The following C8orf34 variants were observed in gnomAD, a reference collection of about 807,000 sequenced individuals.
The protein encoded by C8orf34 is chromosome 8 open reading frame 34.
C8orf34 carries 65 observed loss-of-function variants against 68.3 expected under a neutral mutation model. The ratio of observed to expected loss-of-function variants is 0.95; its 90% CI spans 0.78 to 1.17. The LOEUF (loss-of-function observed/expected upper bound fraction) is 1.17, where lower values mean the gene tolerates loss of function less well. Among genes scored for constraint, C8orf34 ranks in the 50% most tolerant of loss-of-function variants. The pLI is 0.00. For missense variants in C8orf34, 664 were observed against 655.4 expected, an observed-to-expected ratio of 1.01 and a Z score of -0.14; for synonymous variants, 244 against 241.2, an observed-to-expected ratio of 1.01 and a Z score of -0.11.
intron 8 of C8orf34, among the ~76,000 whole-genome samples, chr8:68,655,308 CTA>C (rs1478957735): frequency 1.3e-5 from 2 of 152,076 alleles, no homozygotes; most frequent in East Asian, 3.8e-4. Flanking sequence ...AAACATATAA[CTA>C]TTTTTTAAAA....
intron 13 of C8orf34, 132 bp downstream of exon 13, chr8:68,816,077 C>G: frequency 1.4e-6 from 2 of 1,432,872 alleles, no homozygotes; most frequent in South Asian, 2.5e-5. Flanking sequence ...CTCCAAGTAT[C>G]CTGCATAAGA....
intron 1 of C8orf34, among the ~76,000 whole-genome samples, chr8:68,431,690 A>G (rs1810458083): frequency 1.3e-5 from 2 of 152,226 alleles, no homozygotes; most frequent in South Asian, 4.1e-4. Flanking sequence ...CTGAGAAGAC[A>G]TCTCTGTATT....
intron 7 of C8orf34, among the ~76,000 whole-genome samples, chr8:68,597,575 G>GGT (rs36094218): frequency 0.36 from 53,913 of 149,742 alleles, 9,854 homozygotes; most frequent in South Asian, 0.52. Context: ...ACATTGTGGT[G>GGT]GTGTGTGTGT....
chr8:68,339,697 AAG>A (rs1223740761), intron 1 of C8orf34, among the ~76,000 whole-genome samples: 1 of 151,968 alleles, frequency 6.6e-6, no homozygotes, highest in Non-Finnish European at 1.5e-5. Flanking sequence ...TTTCTTCTCA[AAG>A]AGAGTGTAGG....
Position 68,330,994 on chromosome 8 carries a change from G to C in C8orf34, c.-19G>C, listed in dbSNP as rs1805548961. On this transcript the variant is annotated 5_prime_UTR_variant, in exon 1 of 14. Transcript: ENST00000518698. The stretch of plus-strand genomic sequence containing the variant: ...TGCGGAGAGCGGCGAGGGTGGGCGC[G>C]AGGCGGAGAACGCGATGAATGAGTT... 1.0e-5 allele frequency: 14 copies of C among 1,387,398 alleles called. No individual in the cohort carries two copies. Among genetic ancestry groups the C allele is most frequent in the Non-Finnish European group, 1.3e-5 (14 of 1,080,688 alleles). 85.9% of individuals were successfully genotyped at this position (1,387,398 alleles called of 1,614,324 possible).
chr8:68,586,823 G>A (rs200992108), intron 7 of C8orf34, among the ~76,000 whole-genome samples: 1 of 152,030 alleles, frequency 6.6e-6, no homozygotes, highest in East Asian at 1.9e-4. Flanking sequence ...ATGCCACCTA[G>A]ATCAGGAGTC....
intron 9 of C8orf34, among the ~76,000 whole-genome samples, chr8:68,718,467 C>T (rs1352253964): frequency 6.6e-5 from 10 of 152,088 alleles, no homozygotes; most frequent in Non-Finnish European, 1.0e-4. Flanking sequence ...ATGCCTAATC[C>T]TGCATTCTTC....
intron 8 of C8orf34, among the ~76,000 whole-genome samples, chr8:68,679,222 G>A (rs769914758): frequency 9.2e-5 from 14 of 152,090 alleles, no homozygotes; most frequent in African/African-American, 3.1e-4. Flanking sequence ...GGGAGGCAGA[G>A]GTTGCAGTGA....
At chr8:68,536,842 A>G (rs1815497946) in intron 7 of C8orf34, among the ~76,000 whole-genome samples, 1 of 152,166 alleles carries the variant, frequency 6.6e-6, no homozygotes, top group African/African-American at 2.4e-5. Flanking sequence ...GTAAAATTAC[A>G]TTGCGACAAG....
chr8:68,584,025 A>G (rs755835888), intron 7 of C8orf34, among the ~76,000 whole-genome samples: 6 of 152,110 alleles, frequency 3.9e-5, no homozygotes, highest in Admixed American at 1.3e-4. Flanking sequence ...CATTTTTATC[A>G]TGGAAGAAAA....
At chr8:68,422,095 G>T (rs780460269) in intron 1 of C8orf34, among the ~76,000 whole-genome samples, 6 of 152,172 alleles carry the variant, frequency 3.9e-5, no homozygotes, top group Non-Finnish European at 8.8e-5. Context: ...TGGGGACACA[G>T]AGCCAAACCA....
chr8:68,547,602 C>T (rs1815927341), intron 7 of C8orf34, among the ~76,000 whole-genome samples: 1 of 151,740 alleles, frequency 6.6e-6, no homozygotes, highest in South Asian at 2.1e-4. Context: ...ATGAATACCC[C>T]TTATACACAT....
chr8:68,550,888 T>C (rs1816044925), intron 7 of C8orf34, among the ~76,000 whole-genome samples: 1 of 151,638 alleles, frequency 6.6e-6, no homozygotes, highest in Non-Finnish European at 1.5e-5. Flanking sequence ...TGGTAAAGTT[T>C]TTTTTTTTGT....
chr8:68,347,853 G>C (rs186333542), intron 1 of C8orf34, among the ~76,000 whole-genome samples: 55 of 152,072 alleles, frequency 3.6e-4, no homozygotes, highest in Middle Eastern at 3.4e-3. Flanking sequence ...ATAGATGCTG[G>C]ATATTAGGCC....
intron 7 of C8orf34, among the ~76,000 whole-genome samples, chr8:68,553,986 G>A (rs1816170251): frequency 6.6e-6 from 1 of 151,952 alleles, no homozygotes; most frequent in African/African-American, 2.4e-5. Context: ...AAATGAGATA[G>A]TATAATTAAT....
intron 1 of C8orf34, among the ~76,000 whole-genome samples, chr8:68,419,941 C>A (rs535848753): frequency 1.4e-5 from 2 of 143,516 alleles, no homozygotes; most frequent in Non-Finnish European, 3.0e-5. Context: ...AACTAACCTG[C>A]ACATTGTGCA....
chr8:68,442,669 T>C (rs535238515), intron 2 of C8orf34, among the ~76,000 whole-genome samples: 1 of 152,132 alleles, frequency 6.6e-6, no homozygotes, highest in African/African-American at 2.4e-5. Context: ...ATATTTGAGA[T>C]CAAGATGTTT....
intron 12 of C8orf34, among the ~76,000 whole-genome samples, chr8:68,802,612 C>T (rs1824364473): frequency 6.6e-6 from 1 of 152,020 alleles, no homozygotes; most frequent in Non-Finnish European, 1.5e-5. Flanking sequence ...CATCCTCTCA[C>T]CTCAGCCTCC....
At chr8:68,560,693 G>T (rs566912548) in intron 7 of C8orf34, among the ~76,000 whole-genome samples, 1 of 152,028 alleles carries the variant, frequency 6.6e-6, no homozygotes. Flanking sequence ...TTATCTAAAC[G>T]TAGAAAAGTA....
Sources: gnomAD v4.1 joint callset for allele counts (sites outside exome capture counted in the v4.1 genomes callset) on GRCh38, gnomAD v4.1.1 for gene constraint, MANE v1.5 for transcripts, NCBI Gene and HGNC (gene_info 2026-07-23, HGNC 2026-07-21) for gene names.